DNER: variants seen among roughly 807,000 people sequenced by gnomAD.
DNER encodes delta and Notch-like epidermal growth factor-related receptor.
Under a neutral mutation model 78.2 loss-of-function variants are expected in DNER, and 33 were observed. That is an observed-to-expected ratio of 0.42 (90% CI 0.32 to 0.56). The LOEUF (loss-of-function observed/expected upper bound fraction) is 0.56. Ranked by LOEUF, DNER falls within the 20% of genes least tolerant of loss-of-function variation. DNER has a pLI of 0.11. For missense variants in DNER, 918 were observed against 975.3 expected (o/e 0.94, Z 0.78); for synonymous variants, 417 against 384.8 (o/e 1.08, Z -0.98).
intron 1 of DNER, among the ~76,000 whole-genome samples, chr2:229,654,196 T>G (rs1006469601): frequency 1.3e-5 from 2 of 151,740 alleles, no homozygotes; most frequent in Non-Finnish European, 2.9e-5. Context: ...TTCCCACCTA[T>G]GAGTGAGAAC....
intron 4 of DNER, among the ~76,000 whole-genome samples, chr2:229,557,591 C>T (rs1696875108): frequency 6.6e-6 from 1 of 151,206 alleles, no homozygotes; most frequent in Non-Finnish European, 1.5e-5. Context: ...CTGTGAATTA[C>T]AAGCAAGAAA....
intron 1 of DNER, among the ~76,000 whole-genome samples, chr2:229,710,292 G>T (rs1328034591): frequency 1.3e-5 from 2 of 152,160 alleles, no homozygotes; most frequent in African/African-American, 4.8e-5. Flanking sequence ...TATAGCTCTT[G>T]CTCCCTATTG....
intron 8 of DNER, among the ~76,000 whole-genome samples, chr2:229,443,566 G>A (rs779857813): frequency 2.0e-5 from 3 of 152,136 alleles, no homozygotes; most frequent in Non-Finnish European, 2.9e-5. Context: ...TCCCTAGCCC[G>A]AAAAGCTACA....
At chr2:229,505,099 C>A (rs1695707796) in intron 6 of DNER, among the ~76,000 whole-genome samples, 1 of 151,610 alleles carries the variant, frequency 6.6e-6, no homozygotes, top group African/African-American at 2.4e-5. Context: ...AGGCTAAGTG[C>A]CCCCATCAGA....
chr2:229,517,109 C>CAAAAAAAAAAAAAAAAAA (rs57947628), intron 5 of DNER, among the ~76,000 whole-genome samples: 1 of 57,876 alleles, frequency 1.7e-5, no homozygotes. Context: ...GACTCCGTCT[C>CAAAAAAAAAAAAAAAAAA]AAAAAAAAAA....
intron 2 of DNER, among the ~76,000 whole-genome samples, chr2:229,588,991 G>A (rs1697551560): frequency 6.6e-6 from 1 of 152,184 alleles, no homozygotes; most frequent in Non-Finnish European, 1.5e-5. Context: ...CTAAGGCTGG[G>A]GAGCTTGAAC....
At chr2:229,596,875 A>C (rs10193150) in intron 1 of DNER, among the ~76,000 whole-genome samples, 44,549 of 152,130 alleles carry the variant, frequency 0.29, 6,974 homozygotes, top group Middle Eastern at 0.38. Context: ...TAAATTTCTA[A>C]GGGGATTCAA....
rs73103732 is a variant in DNER, at chr2:229,467,975, C to T, written c.1261+9165G>A. Among the ~76,000 whole-genome samples, 772 of 152,284 alleles carry T rather than the reference C, an allele frequency of 5.1e-3. 8 individuals are homozygous for T. The highest frequency in any genetic ancestry group is 0.017 in the African/African-American group (719 of 41,556). On this transcript the variant is annotated intron_variant, in intron 7 of 12. Coordinates refer to ENST00000341772, the MANE Select transcript of DNER (RefSeq NM_139072.4). ...TTCGCATTTGGGGGGTTCACATGGC[C>T]GGCTGCCACAGCCGTGACAGTGGCA...
chr2:229,428,654 A>G (rs991013536), intron 8 of DNER, among the ~76,000 whole-genome samples: 57 of 147,846 alleles, frequency 3.9e-4, no homozygotes, highest in African/African-American at 1.2e-3. Flanking sequence ...GTTCTCCCAG[A>G]AAAACGGAAG....
At chr2:229,587,342 G>A (rs1421800196) in intron 3 of DNER, among the ~76,000 whole-genome samples, 1 of 152,180 alleles carries the variant, frequency 6.6e-6, no homozygotes, top group Non-Finnish European at 1.5e-5. Context: ...CTCTCCGGAT[G>A]GGAGCGTTCC....
chr2:229,448,193 A>G (rs1694379401), intron 7 of DNER, among the ~76,000 whole-genome samples: 1 of 152,342 alleles, frequency 6.6e-6, no homozygotes, highest in East Asian at 1.9e-4. Context: ...AATAAAAAAA[A>G]AAATAAGTAC....
intron 1 of DNER, among the ~76,000 whole-genome samples, chr2:229,638,533 C>G (rs554758658): frequency 4.6e-5 from 7 of 152,278 alleles, no homozygotes; most frequent in African/African-American, 1.7e-4. Context: ...GCACAAATCT[C>G]CTTTTCAACC....
chr2:229,452,855 T>C (rs963938550), intron 7 of DNER, among the ~76,000 whole-genome samples: 2 of 152,056 alleles, frequency 1.3e-5, no homozygotes, highest in African/African-American at 4.8e-5. Context: ...CTTGAACTCC[T>C]GACCTCAAGT....
chr2:229,650,228 T>G (rs1362839432), intron 1 of DNER, among the ~76,000 whole-genome samples: 1 of 152,190 alleles, frequency 6.6e-6, no homozygotes. Flanking sequence ...TCACTTGGGC[T>G]GTACTCCCAG....
chr2:229,650,453 C>T (rs1203836704), intron 1 of DNER, among the ~76,000 whole-genome samples: 2 of 152,186 alleles, frequency 1.3e-5, no homozygotes, highest in African/African-American at 4.8e-5. Flanking sequence ...ATTTGGCAAA[C>T]TTGCCTAGGG....
chr2:229,708,201 C>T (rs1699858217), intron 1 of DNER, among the ~76,000 whole-genome samples: 1 of 152,204 alleles, frequency 6.6e-6, no homozygotes, highest in Non-Finnish European at 1.5e-5. Flanking sequence ...TTTTTCTCTG[C>T]CACATGCTAT....
chr2:229,601,090 G>A (rs779106189), intron 1 of DNER, among the ~76,000 whole-genome samples: 9 of 152,200 alleles, frequency 5.9e-5, no homozygotes, highest in African/African-American at 1.9e-4. Flanking sequence ...ACACTCAACT[G>A]TAAAAGGAAG....
chr2:229,475,841 C>T (rs761883134), intron 7 of DNER, among the ~76,000 whole-genome samples: 2 of 152,226 alleles, frequency 1.3e-5, no homozygotes, highest in South Asian at 2.1e-4. Flanking sequence ...GGTCCCAGGA[C>T]GACCCTGCAG....
intron 7 of DNER, among the ~76,000 whole-genome samples, chr2:229,464,506 A>C (rs1290862457): frequency 6.6e-6 from 1 of 152,156 alleles, no homozygotes; most frequent in African/African-American, 2.4e-5. Flanking sequence ...TATTTAAAGG[A>C]TATAGTTATG....
Sources: gnomAD v4.1 joint callset for allele counts (sites outside exome capture counted in the v4.1 genomes callset) on GRCh38, gnomAD v4.1.1 for gene constraint, MANE v1.5 for transcripts, NCBI Gene and HGNC (gene_info 2026-07-23, HGNC 2026-07-21) for gene names.